MERTK: variants seen among roughly 807,000 people sequenced by gnomAD.
The protein encoded by MERTK is tyrosine-protein kinase Mer.
MERTK carries 69 observed loss-of-function variants against 99.3 expected under a neutral mutation model. The ratio of observed to expected loss-of-function variants is 0.70; its 90% CI spans 0.57 to 0.85. The LOEUF (loss-of-function observed/expected upper bound fraction) is 0.85. MERTK is among the 40% of genes least tolerant of loss of function. The pLI is 0.00. For missense variants in MERTK, 1,125 were observed against 1,249.4 expected (o/e 0.90, Z 1.50); for synonymous variants, 426 against 467.6 (o/e 0.91, Z 1.15).
intron 2 of MERTK, among the ~76,000 whole-genome samples, chr2:111,942,507 G>A (rs1050972658): frequency 6.6e-6 from 1 of 152,170 alleles, no homozygotes; most frequent in African/African-American, 2.4e-5. Context: ...TACCAGGAGA[G>A]GGTCAGCCAG....
intron 18 of MERTK, among the ~76,000 whole-genome samples, chr2:112,022,792 T>C (rs925938195): frequency 6.6e-6 from 1 of 152,184 alleles, no homozygotes; most frequent in Non-Finnish European, 1.5e-5. Context: ...TCTCCTTCTA[T>C]GTAGCATTTC....
chr2:111,970,503 A>G lies in MERTK; in HGVS notation c.960+2251A>G, dbSNP rs540845791. On this transcript the variant is annotated intron_variant, in intron 6 of 18. Transcript: ENST00000295408. ...TATATTCACCCATTATTTAAAATGT[A>G]CAGTTCAACGGTGTTTAGTATATTC... Among the ~76,000 whole-genome samples the G allele has an allele frequency of 2.7e-3, 411 of 152,310 alleles. 2 individuals carry two copies. The highest frequency in any genetic ancestry group is 4.1e-3 in the Non-Finnish European group (282 of 68,030).
In MERTK at chr2:112,020,178, G is replaced by A. The variant is rs1251417820; in HGVS notation, c.2189+656G>A. 3.3e-5 allele frequency among the ~76,000 whole-genome samples: 5 copies of A among 152,130 alleles called. No individual in the cohort carries two copies. In the East Asian group the frequency reaches 7.7e-4, roughly 23 times the overall value. On this transcript the variant is annotated intron_variant, in intron 16 of 18. Coordinates refer to ENST00000295408, the MANE Select transcript of MERTK (RefSeq NM_006343.3). ...GTGACAATGGGGCCTGCCCCCTCCC[G>A]CCTCCCAGCCGACCCTGCCCCTAGG... is the stretch of plus-strand genomic sequence containing the variant.
At chr2:111,954,330 G>A (rs1172251609) in intron 4 of MERTK, among the ~76,000 whole-genome samples, 2 of 152,040 alleles carry the variant, frequency 1.3e-5, no homozygotes. Context: ...CACAGATCAC[G>A]GCTCTCCTCT....
intron 9 of MERTK, 152 bp from the exon 10 acceptor site, chr2:111,997,171 C>G (rs1454498290): frequency 3.3e-6 from 3 of 906,644 alleles, no homozygotes; most frequent in Non-Finnish European, 5.5e-6. Flanking sequence ...TTCGCATGGT[C>G]TCAGCTTACA....
At chr2:111,948,016 A>G (rs978286823) in intron 4 of MERTK, among the ~76,000 whole-genome samples, 36 of 152,040 alleles carry the variant, frequency 2.4e-4, no homozygotes, top group African/African-American at 8.5e-4. Context: ...TGGACATTCC[A>G]TGGTCGTCTT....
chr2:111,952,230 G>C (rs946250472), intron 4 of MERTK: 1 of 161,378 alleles, frequency 6.2e-6, no homozygotes, highest in Middle Eastern at 6.7e-4. Context: ...TCTCAAGGTG[G>C]ACTACTAGGT....
At chr2:111,905,592 C>A (rs1388102812) in intron 1 of MERTK, among the ~76,000 whole-genome samples, 1 of 151,596 alleles carries the variant, frequency 6.6e-6, no homozygotes, top group African/African-American at 2.4e-5. Context: ...CTCAGCCTCC[C>A]GAGTAGCTGG....
chr2:111,930,147 T>C (rs1233872473), intron 2 of MERTK: 1 of 152,400 alleles, frequency 6.6e-6, no homozygotes, highest in Non-Finnish European at 1.5e-5. Context: ...GCTCTACCAG[T>C]GAGTGGGAAC....
At chr2:111,948,776 T>A (rs760328070) in intron 4 of MERTK, among the ~76,000 whole-genome samples, 8 of 152,136 alleles carry the variant, frequency 5.3e-5, no homozygotes, top group Admixed American at 1.3e-4. Context: ...TAACTGGGCC[T>A]TTTTGCTCCC....
intron 8 of MERTK, among the ~76,000 whole-genome samples, chr2:111,993,790 T>C (rs1006241349): frequency 6.6e-6 from 1 of 152,100 alleles, no homozygotes; most frequent in Non-Finnish European, 1.5e-5. Context: ...CTCTTCCAGG[T>C]AGATTTTAGT....
At chr2:111,982,739 T>A in intron 7 of MERTK, 103 bp from the exon 8 acceptor site, 1 of 1,327,526 alleles carries the variant, frequency 7.5e-7, no homozygotes, top group Non-Finnish European at 1.1e-6. Flanking sequence ...ATTTGAGTGC[T>A]TTTCATAGAG....
chr2:111,992,035 G>A (rs1035469522), intron 8 of MERTK, among the ~76,000 whole-genome samples: 2 of 152,026 alleles, frequency 1.3e-5, no homozygotes, highest in African/African-American at 2.4e-5. Context: ...CCAAGGCAGG[G>A]CTCTAATTTT....
chr2:112,015,156 A>T (rs954667219), intron 15 of MERTK, among the ~76,000 whole-genome samples: 3 of 152,136 alleles, frequency 2.0e-5, no homozygotes, highest in African/African-American at 4.8e-5. Context: ...TCATGTACAG[A>T]TTTGTGGATG....
At chr2:111,900,983 A>G (rs934324245) in intron 1 of MERTK, among the ~76,000 whole-genome samples, 5 of 152,248 alleles carry the variant, frequency 3.3e-5, no homozygotes, top group African/African-American at 1.2e-4. Context: ...GTATAGAAGA[A>G]TGGGTAAATA....
At chr2:111,911,161 C>T (rs1684240053) in intron 1 of MERTK, among the ~76,000 whole-genome samples, 1 of 152,052 alleles carries the variant, frequency 6.6e-6, no homozygotes, top group Admixed American at 6.6e-5. Context: ...TTTGTGGAAA[C>T]AAGGGGAAAT....
At chr2:112,016,165 C>T (rs949936435) in intron 15 of MERTK, among the ~76,000 whole-genome samples, 2 of 152,146 alleles carry the variant, frequency 1.3e-5, no homozygotes, top group African/African-American at 2.4e-5. Flanking sequence ...TCCACTGAAA[C>T]TTTAGAATCA....
rs538080653 is a variant in MERTK at position 111,908,437 on chromosome 2, G to C, written c.61+9641G>C. Among the ~76,000 whole-genome samples, 4 of 152,144 alleles carry C rather than the reference G, an allele frequency of 2.6e-5. No individual in the cohort carries two copies. The East Asian group carries it at 7.7e-4, about 29-fold the overall frequency. On this transcript the variant is annotated intron_variant, in intron 1 of 18. Transcript: ENST00000295408. ...GAAGTCAGACATTAACACTACAGTG[G>C]AAGTCCCCGGTCGTTCCTCTCTCCA... is the stretch of plus-strand genomic sequence containing the variant.
At chr2:112,027,331 T>A (rs1240845567) in intron 18 of MERTK, among the ~76,000 whole-genome samples, 3 of 151,492 alleles carry the variant, frequency 2.0e-5, no homozygotes, top group Non-Finnish European at 4.4e-5. Flanking sequence ...CACACACATA[T>A]GGCATATATA....
Sources: gnomAD v4.1 joint callset for allele counts (sites outside exome capture counted in the v4.1 genomes callset) on GRCh38, gnomAD v4.1.1 for gene constraint, MANE v1.5 for transcripts, NCBI Gene and HGNC (gene_info 2026-07-23, HGNC 2026-07-21) for gene names.